TRMT6: variants seen among roughly 807,000 people sequenced by gnomAD.
The protein encoded by TRMT6 is tRNA (adenine(58)-N(1))-methyltransferase non-catalytic subunit TRM6.
TRMT6 carries 34 observed loss-of-function variants against 59.0 expected under a neutral mutation model. That is an observed-to-expected ratio of 0.58 (90% CI 0.44 to 0.77). TRMT6 has a LOEUF of 0.77. TRMT6 is among the 30% of genes least tolerant of loss of function. The pLI is 0.00. For missense variants in TRMT6, 575 were observed against 604.5 expected, an observed-to-expected ratio of 0.95 and a Z score of 0.51; for synonymous variants, 217 against 210.5, an observed-to-expected ratio of 1.03 and a Z score of -0.27.
intron 6 of TRMT6, 47 bp from the exon 7 acceptor site, chr20:5,942,833 A>C: frequency 6.9e-7 from 1 of 1,458,610 alleles, no homozygotes; most frequent in Non-Finnish European, 9.5e-7. Flanking sequence ...GTGACTCTAG[A>C]CTACGTAAAC....
At chr20:5,946,169 G>A (rs770130106) in intron 2 of TRMT6, among the ~76,000 whole-genome samples, 2 of 152,210 alleles carry the variant, frequency 1.3e-5, no homozygotes, top group Non-Finnish European at 2.9e-5. Context: ...CGACTCATAG[G>A]ATTAAATGCC....
intron 10 of TRMT6, 127 bp from the exon 11 acceptor site, chr20:5,938,853 TTC>T (rs1479029071): frequency 1.2e-6 from 1 of 811,546 alleles, no homozygotes; most frequent in Non-Finnish European, 1.9e-6. Flanking sequence ...ACATTTTTTT[TTC>T]TTTCTTTTCT....
At position 5,938,632 on chromosome 20, in the gene TRMT6, G is replaced by T; in HGVS notation, c.1397C>A (p.Ala466Glu). 1 of 1,614,214 alleles carries T rather than the reference G, an allele frequency of 6.2e-7. No individual in the cohort carries two copies. The highest frequency in any genetic ancestry group is 8.5e-7 in the Non-Finnish European group (1 of 1,180,030). Residue 466 changes from alanine (A) to glutamate (E), a missense_variant, in exon 11 of 11, where the codon GCA becomes GAA. Coordinates refer to ENST00000203001, the MANE Select transcript of TRMT6 (RefSeq NM_015939.5). ...GFTVAMDNLK[A>E]DTSLKSNAST... ...TGCATTAGATTTGAGGCTGGTGTCT[G>T]CTTTAAGGTTGTCCATGGCAACGGT...
chr20:5,942,568 G>C lies in TRMT6; in HGVS notation c.886C>G (p.Gln296Glu), dbSNP rs746037181. The C allele has an allele frequency of 1.9e-6, 3 of 1,614,066 alleles. No homozygotes were observed. The Admixed American group carries it at 5.0e-5, about 27-fold the overall frequency. ...EESNGTLEEK[Q>E]ASEQENEDSM... ...TCTTCATTCTCTTGTTCAGAAGCCT[G>C]TTTTTCCTCCAGTGTGCCATTACTT... Residue 296 changes from glutamine to glutamate, a missense_variant, in exon 7 of 11, where the codon CAG (glutamine) becomes GAG (glutamate). By Grantham distance (29) the Gln-to-Glu change is conservative. Coordinates refer to ENST00000203001, the MANE Select transcript of TRMT6 (RefSeq NM_015939.5).
chr20:5,950,411 TC>T lies in TRMT6; in HGVS notation c.-7del. On this transcript the variant is annotated 5_prime_UTR_variant, in exon 1 of 11. Transcript: ENST00000203001. ...TGCTCCCCTGAGCCCTCCATGACGC[TC>T]AGCCGGTCGCCGTGCTCCACGGCGT... The T allele has an allele frequency of 6.3e-7, 1 of 1,579,964 alleles. No homozygotes were observed. The highest frequency in any genetic ancestry group is 8.6e-7 in the Non-Finnish European group (1 of 1,166,870).
intron 2 of TRMT6, 65 bp from the exon 3 acceptor site, chr20:5,944,979 A>T (rs1600225139): frequency 7.6e-7 from 1 of 1,310,414 alleles, no homozygotes; most frequent in East Asian, 2.3e-5. Context: ...TCTTTTTCTG[A>T]GTTCATATCC....
At chr20:5,943,044 T>C (rs1313168147) in intron 6 of TRMT6, among the ~76,000 whole-genome samples, 2 of 152,196 alleles carry the variant, frequency 1.3e-5, no homozygotes, top group African/African-American at 2.4e-5. Context: ...AAACCCTGTG[T>C]CTGCAAATTT....
rs771830120 is a variant in TRMT6, at chr20:5,941,299, A to C, written c.1159T>G (p.Leu387Val). The change falls in exon 9 of 11, where the codon TTG becomes GTG. Residue 387 changes from leucine (L) to valine (V), a missense_variant. Coordinates refer to ENST00000203001, the MANE Select transcript of TRMT6 (RefSeq NM_015939.5). ...CTTGAAGGGGCCACAAAGTCCAGCAAAGACAGCAGCAGGGGAGTGGGGTGG... is the reference window on the plus strand; with the variant it reads ...CTTGAAGGGGCCACAAAGTCCAGCACAGACAGCAGCAGGGGAGTGGGGTGG... ...RFHPTPLLLSLLDFVAPSRPF... is the reference protein window; with the variant it reads ...RFHPTPLLLSVLDFVAPSRPF... 6.8e-6 allele frequency: 11 copies of C among 1,614,120 alleles called. No homozygotes were observed. The African/African-American group carries it at 1.5e-4, about 22-fold the overall frequency.
At chr20:5,942,064 G>T (rs1401972008) in intron 7 of TRMT6, 28 bp from the exon 8 acceptor site, 1 of 1,572,354 alleles carries the variant, frequency 6.4e-7, no homozygotes. Flanking sequence ...AGAAATCAAT[G>T]TACTGGGGTC....
rs2088630415 is a variant in TRMT6, at chr20:5,938,757, T to G, written c.1303-31A>C. Reference sequence around the variant, plus strand: ...CAAGACAGAAAAGACATTCATGCTTTCCTAAGACAATAAAGTCCATGCTAA... The same window carrying G: ...CAAGACAGAAAAGACATTCATGCTTGCCTAAGACAATAAAGTCCATGCTAA... On this transcript the variant is annotated intron_variant, in intron 10 of 10. Coordinates refer to ENST00000203001, the MANE Select transcript of TRMT6 (RefSeq NM_015939.5). 4 of 1,599,802 alleles carry G rather than the reference T, an allele frequency of 2.5e-6. No individual in the cohort carries two copies. In the East Asian group the frequency reaches 9.0e-5, roughly 36 times the overall value.
At chr20:5,941,758 AC>A in intron 8 of TRMT6, 192 bp downstream of exon 8, 3 of 610,464 alleles carry the variant, frequency 4.9e-6, no homozygotes, top group Non-Finnish European at 8.7e-6. Flanking sequence ...TTCTTCTGAA[AC>A]CCTGAAACCA....
intron 7 of TRMT6, 115 bp downstream of exon 7, chr20:5,942,313 G>C: frequency 1.1e-6 from 1 of 946,998 alleles, no homozygotes; most frequent in Non-Finnish European, 1.7e-6. Context: ...TCTCTGTTTT[G>C]ATAGTTATCA....
intron 2 of TRMT6, among the ~76,000 whole-genome samples, chr20:5,945,422 T>C (rs141243889): frequency 3.9e-5 from 6 of 152,236 alleles, no homozygotes; most frequent in Non-Finnish European, 4.4e-5. Context: ...CTGGATCCTT[T>C]CTATCACTTG....
chr20:5,944,260 G>T lies in TRMT6; in HGVS notation c.367-7C>A. The T allele has an allele frequency of 6.7e-7, 1 of 1,493,830 alleles. No individual in the cohort carries two copies. Among genetic ancestry groups the T allele is most frequent in the South Asian group, 1.3e-5 (1 of 76,884 alleles). 92.5% of individuals were successfully genotyped at this position (1,493,830 alleles called of 1,614,324 possible). A position where few individuals can be genotyped will look rare whatever the true frequency, so the allele number is the denominator to read the frequency against. Reference sequence around the variant, plus strand: ...TTAACTGCTGAACTATTTCCTATAAGAAAAGGAGCAAGTAGATTTTCTGAA... The same window carrying T: ...TTAACTGCTGAACTATTTCCTATAATAAAAGGAGCAAGTAGATTTTCTGAA... On this transcript the variant is annotated splice_region_variant and splice_polypyrimidine_tract_variant and intron_variant, in intron 3 of 10. Transcript: ENST00000203001.
intron 8 of TRMT6, chr20:5,941,572 G>A (rs41301756): frequency 2.2e-4 from 123 of 555,768 alleles, no homozygotes; most frequent in African/African-American, 4.7e-4. Flanking sequence ...ACTCTAAGTC[G>A]CATTTAATGA....
In TRMT6 at chr20:5,944,832, AG is replaced by A; in HGVS notation, c.338del (p.Ala113ValfsTer2). On this transcript the variant is annotated frameshift_variant, in exon 3 of 11. Transcript: ENST00000203001. LOFTEE classifies it high-confidence loss of function. ...SQKLTQDDIKALKDKGIKGEE... is the reference protein window; with the variant it reads ...SQKLTQDDIKXLKDKGIKGEE... ...CTCCTTTAATGCCCTTGTCCTTCAAAGCTTTTATGTCATCTTGAGTAAGTTT... is the reference window on the plus strand; with the variant it reads ...CTCCTTTAATGCCCTTGTCCTTCAAACTTTTATGTCATCTTGAGTAAGTTT... 2 of 1,613,858 alleles carry A rather than the reference AG, an allele frequency of 1.2e-6. No homozygotes were observed. Among genetic ancestry groups the A allele is most frequent in the Non-Finnish European group, 1.7e-6 (2 of 1,179,778 alleles).
Position 5,944,230 on chromosome 20 carries a change from T to A in TRMT6, c.390A>T (p.Glu130Asp). 6.4e-7 allele frequency: 1 copy of A among 1,571,418 alleles called. No homozygotes were observed. The highest frequency in any genetic ancestry group is 1.4e-5 in the African/African-American group (1 of 73,496). ...TCTTGTCTCGGAATGTTGTACTATT[T>A]TCAATTAACTGCTGAACTATTTCCT... The part of the protein sequence containing the change: ...KGEEIVQQLI[E>D]NSTTFRDKTE... Residue 130 changes from glutamate (E) to aspartate (D), a missense_variant, in exon 4 of 11, where the codon GAA becomes GAT. Physicochemically the swap from Glu to Asp is conservative, Grantham distance 45. Transcript: ENST00000203001.
At chr20:5,949,195 A>G (rs960469684) in intron 1 of TRMT6, among the ~76,000 whole-genome samples, 1 of 136,422 alleles carries the variant, frequency 7.3e-6, no homozygotes, top group Non-Finnish European at 1.5e-5. Flanking sequence ...TCTACTAAAA[A>G]TACAAAAAAA....
intron 2 of TRMT6, 125 bp downstream of exon 2, chr20:5,946,281 C>G: frequency 2.5e-6 from 3 of 1,218,836 alleles, no homozygotes; most frequent in Non-Finnish European, 3.5e-6. Flanking sequence ...AGCTGCAGTT[C>G]TTAGATTATG....
Sources: gnomAD v4.1 joint callset for allele counts (sites outside exome capture counted in the v4.1 genomes callset) on GRCh38, gnomAD v4.1.1 for gene constraint, MANE v1.5 for transcripts, NCBI Gene and HGNC (gene_info 2026-07-23, HGNC 2026-07-21) for gene names.